The following ANK2 variants were observed in gnomAD, a reference collection of about 807,000 sequenced individuals.
ANK2 encodes ankyrin-2.
ANK2 carries 83 observed loss-of-function variants against 360.5 expected under a neutral mutation model. The ratio of observed to expected loss-of-function variants is 0.23; its 90% CI spans 0.19 to 0.28. The LOEUF (loss-of-function observed/expected upper bound fraction) is 0.28. ANK2 is among the 10% of genes least tolerant of loss of function. ANK2 has a pLI of 1.00. For missense variants in ANK2, 4,201 were observed against 4,795.7 expected (o/e 0.88, Z 3.66); for synonymous variants, 1,740 against 1,759.5 (o/e 0.99, Z 0.28).
intron 1 of ANK2, among the ~76,000 whole-genome samples, chr4:112,818,606 G>A (rs562490926): frequency 9.9e-5 from 15 of 152,208 alleles, no homozygotes; most frequent in Middle Eastern, 3.2e-3. Context: ...TAAGCAGGGA[G>A]AGGGGCAAGA....
At chr4:112,941,407 CTAAT>C (rs2094195873) in intron 2 of ANK2, among the ~76,000 whole-genome samples, 1 of 142,086 alleles carries the variant, frequency 7.0e-6, no homozygotes, top group African/African-American at 2.5e-5. Flanking sequence ...CTATATGAAC[CTAAT>C]TAGTTAAAAA....
At chr4:112,808,677 A>G in the ANK2 span, among the ~76,000 whole-genome samples, 1 of 152,154 alleles carries the variant, frequency 6.6e-6, no homozygotes, top group African/African-American at 2.4e-5. Context: ...ATAAATAGAC[A>G]ATAATGACTT....
At position 112,878,791 on chromosome 4, in the gene ANK2, C is replaced by A. The variant is rs190617542; in HGVS notation, c.-39-25664C>A. On this transcript the variant is annotated intron_variant, in intron 1 of 30. Transcript: ENST00000503271. ...CTGGGACTACAGGCTCCCGCCACCA[C>A]GCCCGGCTAATTTTTTTGTATTTTT... Among the ~76,000 whole-genome samples the A allele has an allele frequency of 4.2e-3, 632 of 152,226 alleles. 2 individuals are homozygous for A. Among genetic ancestry groups the A allele is most frequent in the Non-Finnish European group, 7.0e-3 (474 of 68,020 alleles).
At chr4:112,841,788 C>G (rs1033619602) in intron 1 of ANK2, among the ~76,000 whole-genome samples, 2 of 152,144 alleles carry the variant, frequency 1.3e-5, no homozygotes, top group African/African-American at 4.8e-5. Context: ...GCACTTGTAG[C>G]CCTACCACAG....
chr4:112,738,863 C>T, the ANK2 span: 5 of 655,348 alleles, frequency 7.6e-6, no homozygotes, highest in East Asian at 1.5e-4. Flanking sequence ...GGAGCAACAA[C>T]AACAAACAAA....
intron 2 of ANK2, among the ~76,000 whole-genome samples, chr4:113,191,078 G>A (rs948489630): frequency 5.3e-5 from 8 of 152,144 alleles, no homozygotes; most frequent in African/African-American, 4.8e-5. Context: ...GGTGGTTCAC[G>A]CCTATAATCC....
chr4:112,753,689 C>T, the ANK2 span, among the ~76,000 whole-genome samples: 6 of 152,200 alleles, frequency 3.9e-5, no homozygotes, highest in Non-Finnish European at 8.8e-5. Flanking sequence ...ACCCTCACTG[C>T]TACACTCCCA....
At chr4:112,902,337 C>G (rs2083707067) in intron 1 of ANK2, among the ~76,000 whole-genome samples, 1 of 152,186 alleles carries the variant, frequency 6.6e-6, no homozygotes, top group Admixed American at 6.5e-5. Context: ...CTTTGCTCAG[C>G]ATGCTGTGCA....
At chr4:113,129,873 GT>G (rs1249467581) in intron 1 of ANK2, among the ~76,000 whole-genome samples, 3 of 152,096 alleles carry the variant, frequency 2.0e-5, no homozygotes, top group African/African-American at 7.2e-5. Context: ...TTAAAAATTT[GT>G]TGGTGATATT....
upstream of ANK2, among the ~76,000 whole-genome samples, chr4:113,047,824 T>C (rs138375494): frequency 2.0e-5 from 3 of 151,768 alleles, no homozygotes; most frequent in Non-Finnish European, 4.4e-5. Flanking sequence ...CAAAACAGAG[T>C]TGACTCCAGA....
intron 9 of ANK2, among the ~76,000 whole-genome samples, chr4:113,245,355 G>A (rs998410900): frequency 1.3e-5 from 2 of 152,180 alleles, no homozygotes; most frequent in African/African-American, 4.8e-5. Flanking sequence ...ATAGAAAAAT[G>A]TTTATATTAA....
chr4:112,964,860 C>T lies in ANK2; in HGVS notation c.21+60346C>T, dbSNP rs147841858. On this transcript the variant is annotated intron_variant, in intron 2 of 30. Coordinates refer to the ANK2 transcript ENST00000503271. Reference sequence around the variant, plus strand: ...CTGGTATTACAGGCGTGAGCCACCGCGCCCGGCCATGTACCACATTTTCTT... The same window carrying T: ...CTGGTATTACAGGCGTGAGCCACCGTGCCCGGCCATGTACCACATTTTCTT... 2.7e-3 allele frequency among the ~76,000 whole-genome samples: 410 copies of T among 152,266 alleles called. 2 individuals are homozygous for T. Among genetic ancestry groups the T allele is most frequent in the African/African-American group, 8.8e-3 (365 of 41,558 alleles).
chr4:112,786,133 C>T, the ANK2 span, among the ~76,000 whole-genome samples: 3 of 151,840 alleles, frequency 2.0e-5, no homozygotes, highest in African/African-American at 7.3e-5. Flanking sequence ...TGAGCCACCA[C>T]GCACAGCCTA....
At chr4:113,023,702 A>G (rs1030128892) in intron 2 of ANK2, among the ~76,000 whole-genome samples, 9 of 152,146 alleles carry the variant, frequency 5.9e-5, no homozygotes, top group Non-Finnish European at 1.3e-4. Flanking sequence ...ATGTTCATGC[A>G]CTACACCATA....
chr4:112,984,543 G>A (rs775630441), intron 2 of ANK2, among the ~76,000 whole-genome samples: 3 of 152,126 alleles, frequency 2.0e-5, no homozygotes, highest in Non-Finnish European at 2.9e-5. Context: ...CCCATAACAC[G>A]TGGGAATCCA....
In ANK2 at chr4:113,365,229, G is replaced by GTT. The variant is rs764649161; in HGVS notation, c.11032+48_11032+49insTT. The GTT allele has an allele frequency of 7.8e-6, 12 of 1,547,168 alleles. No individual in the cohort carries two copies. The African/African-American group carries it at 1.6e-4, about 21-fold the overall frequency. ...TGTGTGTGTGTGTGTGTGTGTGTGT[G>GTT]TGTTGTGTCTGTGTGTGGTTAATTG... On this transcript the variant is annotated intron_variant, in intron 41 of 45. Transcript: ENST00000357077.
At chr4:113,233,280 G>A (rs1412180526) in intron 5 of ANK2, among the ~76,000 whole-genome samples, 1 of 148,526 alleles carries the variant, frequency 6.7e-6, no homozygotes, top group African/African-American at 2.5e-5. Flanking sequence ...GACTACAGGC[G>A]CCCGCCACTA....
At chr4:112,946,702 T>G (rs1195825853) in intron 2 of ANK2, among the ~76,000 whole-genome samples, 1 of 152,174 alleles carries the variant, frequency 6.6e-6, no homozygotes, top group Non-Finnish European at 1.5e-5. Flanking sequence ...TACTAAACAG[T>G]GACAGGTACA....
At chr4:113,330,643 C>A (rs530816184) in intron 27 of ANK2, among the ~76,000 whole-genome samples, 173 bp downstream of exon 27, 1 of 152,316 alleles carries the variant, frequency 6.6e-6, no homozygotes, top group Admixed American at 6.5e-5. Context: ...CACTTACACG[C>A]CTCTTATTTT....
Sources: allele counts gnomAD v4.1 joint callset (sites outside exome capture counted in the v4.1 genomes callset), GRCh38; gene constraint gnomAD v4.1.1; transcripts MANE v1.5; gene names NCBI Gene and HGNC (gene_info 2026-07-23, HGNC 2026-07-21).